GRIK2: variants seen among roughly 807,000 people sequenced by gnomAD.
GRIK2 encodes the protein glutamate ionotropic receptor kainate type subunit 2.
In GRIK2, 32 loss-of-function variants were observed where a neutral mutation model predicts 100.3. The observed-to-expected ratio is 0.32, with a 90% CI of 0.24 to 0.43. The LOEUF (loss-of-function observed/expected upper bound fraction) is 0.43, where lower values mean the gene tolerates loss of function less well. GRIK2 is among the 20% of genes least tolerant of loss of function. The probability of loss-of-function intolerance (pLI) is 1.00; values close to 1 mark genes in which losing one functional copy is unlikely to be tolerated. For missense variants in GRIK2, 843 were observed against 1,114.9 expected (o/e 0.76, Z 3.47); for synonymous variants, 417 against 389.4 (o/e 1.07, Z -0.83).
chr6:101,793,761 G>A (rs908614980), intron 7 of GRIK2, among the ~76,000 whole-genome samples: 2 of 152,168 alleles, frequency 1.3e-5, no homozygotes, highest in Non-Finnish European at 2.9e-5. Flanking sequence ...GGACATTGAA[G>A]TCTGCAGAGG....
chr6:101,776,082 TG>T (rs1778729447), intron 7 of GRIK2, among the ~76,000 whole-genome samples: 1 of 152,088 alleles, frequency 6.6e-6, no homozygotes, highest in African/African-American at 2.4e-5. Flanking sequence ...AGAATGACTT[TG>T]GGTAGGAAAG....
intron 7 of GRIK2, 124 bp downstream of exon 7, chr6:101,686,477 A>G: frequency 4.6e-6 from 3 of 650,438 alleles, no homozygotes; most frequent in Non-Finnish European, 8.0e-6. Flanking sequence ...AAAGCAAAAT[A>G]TCAGAGCTAC....
chr6:101,802,503 C>G, intron 9 of GRIK2, 65 bp downstream of exon 9: 2 of 626,234 alleles, frequency 3.2e-6, no homozygotes, highest in South Asian at 2.9e-5. Flanking sequence ...GACAAATATT[C>G]TCTGTTGTAG....
chr6:101,698,922 A>G (rs1171269217), intron 7 of GRIK2, among the ~76,000 whole-genome samples: 3 of 152,112 alleles, frequency 2.0e-5, no homozygotes, highest in Non-Finnish European at 4.4e-5. Context: ...TTATGTGCCC[A>G]ATTAACATGA....
At chr6:101,967,567 A>G (rs967617774) in intron 14 of GRIK2, among the ~76,000 whole-genome samples, 1 of 152,118 alleles carries the variant, frequency 6.6e-6, no homozygotes, top group Non-Finnish European at 1.5e-5. Context: ...ATAGTCACAA[A>G]GACGACTTGT....
chr6:101,610,744 A>C (rs776297946), intron 2 of GRIK2, among the ~76,000 whole-genome samples: 7 of 151,858 alleles, frequency 4.6e-5, no homozygotes, highest in Non-Finnish European at 8.8e-5. Context: ...TTGCTCATCC[A>C]GTCACTTTTC....
chr6:101,671,272 T>C (rs1554241685), intron 4 of GRIK2, among the ~76,000 whole-genome samples: 1 of 152,160 alleles, frequency 6.6e-6, no homozygotes, highest in Non-Finnish European at 1.5e-5. Flanking sequence ...TATTCCTTGA[T>C]ACCATATTAG....
intron 12 of GRIK2, among the ~76,000 whole-genome samples, chr6:101,904,760 TAAAGGAG>T (rs1788110463): frequency 6.6e-6 from 1 of 151,516 alleles, no homozygotes. Context: ...CCTTCTGTGG[TAAAGGAG>T]AAAGTATGTT....
chr6:101,981,699 A>T (rs2128489486), intron 14 of GRIK2, among the ~76,000 whole-genome samples: 1 of 151,994 alleles, frequency 6.6e-6, no homozygotes, highest in East Asian at 2.0e-4. Flanking sequence ...CAGAGCATCT[A>T]TTATTTGAAC....
intron 14 of GRIK2, among the ~76,000 whole-genome samples, chr6:102,008,924 C>A (rs1480620142): frequency 6.6e-6 from 1 of 151,824 alleles, no homozygotes; most frequent in African/African-American, 2.4e-5. Context: ...ACACACATGT[C>A]CATAGTTAAA....
intron 14 of GRIK2, among the ~76,000 whole-genome samples, chr6:101,946,192 A>G (rs1025322306): frequency 1.3e-5 from 2 of 152,094 alleles, no homozygotes; most frequent in Non-Finnish European, 2.9e-5. Context: ...AAGAAAATGG[A>G]AATAAGACAA....
chr6:101,951,394 T>A (rs749623567), intron 14 of GRIK2, among the ~76,000 whole-genome samples: 33 of 152,296 alleles, frequency 2.2e-4, no homozygotes, highest in Non-Finnish European at 4.0e-4. Context: ...AATAGTAAAA[T>A]CAATTGTTGA....
At chr6:101,976,421 G>A (rs1462345980) in intron 14 of GRIK2, among the ~76,000 whole-genome samples, 1 of 151,972 alleles carries the variant, frequency 6.6e-6, no homozygotes, top group Non-Finnish European at 1.5e-5. Context: ...GTGCATCTGG[G>A]TGTGGTGGCT....
At chr6:101,948,351 G>A (rs2128478048) in intron 14 of GRIK2, among the ~76,000 whole-genome samples, 1 of 150,870 alleles carries the variant, frequency 6.6e-6, no homozygotes, top group South Asian at 2.1e-4. Flanking sequence ...TACCCAGTAA[G>A]TGACATAAGC....
intron 15 of GRIK2, 22 bp downstream of exon 15, chr6:102,035,588 T>C (rs765327043): frequency 1.1e-5 from 14 of 1,307,202 alleles, no homozygotes; most frequent in Middle Eastern, 3.6e-4. Flanking sequence ...GTCAGCTCTT[T>C]GTTCTTTGTT....
intron 2 of GRIK2, among the ~76,000 whole-genome samples, chr6:101,442,364 G>A (rs1770116994): frequency 6.6e-6 from 1 of 152,122 alleles, no homozygotes; most frequent in South Asian, 2.1e-4. Flanking sequence ...CCCAGGAACA[G>A]GAGAGGCCAG....
chr6:102,003,614 C>G (rs1277111831), intron 14 of GRIK2, among the ~76,000 whole-genome samples: 1 of 151,674 alleles, frequency 6.6e-6, no homozygotes, highest in Non-Finnish European at 1.5e-5. Context: ...TGTTTATTAA[C>G]AAAAGCTGTC....
chr6:101,615,656 TA>T (rs1289407522), intron 2 of GRIK2, among the ~76,000 whole-genome samples: 3 of 151,778 alleles, frequency 2.0e-5, no homozygotes, highest in East Asian at 3.9e-4. Context: ...GACATTATAA[TA>T]AAAAGAATAA....
chr6:101,404,792 A>G (rs746493479), intron 2 of GRIK2, among the ~76,000 whole-genome samples: 10 of 152,196 alleles, frequency 6.6e-5, no homozygotes, highest in South Asian at 2.1e-4. Context: ...AAGTGCTTCA[A>G]TTGAATCTTC....
Sources: gnomAD v4.1 joint callset for allele counts (sites outside exome capture counted in the v4.1 genomes callset) on GRCh38, gnomAD v4.1.1 for gene constraint, MANE v1.5 for transcripts, NCBI Gene and HGNC (gene_info 2026-07-23, HGNC 2026-07-21) for gene names.